The following CNTN4 variants were observed in gnomAD, a reference collection of about 807,000 sequenced individuals.
CNTN4 encodes contactin 4.
In CNTN4, 77 loss-of-function variants were observed where a neutral mutation model predicts 122.5. The ratio of observed to expected loss-of-function variants is 0.63; its 90% CI spans 0.52 to 0.76. The LOEUF is 0.76. Among genes scored for constraint, CNTN4 ranks in the 30% least tolerant of loss-of-function variants. The pLI, the probability that CNTN4 is intolerant of heterozygous loss-of-function variation, is 0.00. For missense variants in CNTN4, 1,256 were observed against 1,259.1 expected (o/e 1.00, Z 0.04); for synonymous variants, 512 against 447.0 (o/e 1.15, Z -1.83).
intron 2 of CNTN4, among the ~76,000 whole-genome samples, chr3:2,334,648 G>GA (rs2043871610): frequency 1.3e-5 from 2 of 152,160 alleles, no homozygotes; most frequent in Non-Finnish European, 2.9e-5. Flanking sequence ...ATAATGTACA[G>GA]AGTGACTAAG....
At chr3:2,697,118 G>A (rs2086081939) in intron 4 of CNTN4, among the ~76,000 whole-genome samples, 1 of 152,174 alleles carries the variant, frequency 6.6e-6, no homozygotes. Context: ...AGAATTCACA[G>A]TGTGTGTTGC....
chr3:2,171,554 C>A (rs560224662), intron 2 of CNTN4, among the ~76,000 whole-genome samples: 4 of 152,104 alleles, frequency 2.6e-5, no homozygotes, highest in African/African-American at 4.8e-5. Context: ...AAAAGTAGAG[C>A]TATTTCCAAT....
At chr3:2,982,274 A>G (rs965421876) in intron 13 of CNTN4, among the ~76,000 whole-genome samples, 1 of 152,170 alleles carries the variant, frequency 6.6e-6, no homozygotes, top group East Asian at 1.9e-4. Flanking sequence ...CATCTTCAGA[A>G]TCCATTCCTT....
Position 2,732,782 on chromosome 3 carries a change from G to GT in CNTN4, c.56-3425dup, listed in dbSNP as rs1247406361. ...AAGGTTTAAAAGCTAGGATATCTGGGTTTTTTTTAATACCTTGATAGCTAA... is the reference window on the plus strand; with the variant it reads ...AAGGTTTAAAAGCTAGGATATCTGGGTTTTTTTTTAATACCTTGATAGCTAA... On this transcript the variant is annotated intron_variant, in intron 4 of 24. Coordinates refer to ENST00000418658, the MANE Select transcript of CNTN4 (RefSeq NM_175607.3). Among the ~76,000 whole-genome samples the GT allele has an allele frequency of 1.8e-4, 28 of 151,970 alleles. No individual in the cohort carries two copies. The South Asian group carries it at 5.2e-3, about 28-fold the overall frequency.
At chr3:2,151,677 C>G (rs1443478554) in intron 2 of CNTN4, among the ~76,000 whole-genome samples, 1 of 152,158 alleles carries the variant, frequency 6.6e-6, no homozygotes, top group Non-Finnish European at 1.5e-5. Context: ...GATTCATCCA[C>G]TCATGGATTA....
chr3:2,133,873 C>A (rs1021278731), intron 2 of CNTN4, among the ~76,000 whole-genome samples: 1 of 151,994 alleles, frequency 6.6e-6, no homozygotes, highest in Non-Finnish European at 1.5e-5. Flanking sequence ...AGTCATTTTC[C>A]AGAATTAGAT....
chr3:2,478,698 C>A (rs1183674495), intron 3 of CNTN4, among the ~76,000 whole-genome samples: 1 of 152,088 alleles, frequency 6.6e-6, no homozygotes, highest in Non-Finnish European at 1.5e-5. Flanking sequence ...GTTTTCTGTT[C>A]CTGCGTTAGT....
chr3:2,479,289 C>G (rs934149304), intron 3 of CNTN4, among the ~76,000 whole-genome samples: 2 of 152,056 alleles, frequency 1.3e-5, no homozygotes, highest in Non-Finnish European at 2.9e-5. Context: ...TTTCACTTAA[C>G]TAAACAAATG....
chr3:2,163,852 T>C (rs1174945829), intron 2 of CNTN4, among the ~76,000 whole-genome samples: 1 of 152,072 alleles, frequency 6.6e-6, no homozygotes, highest in Non-Finnish European at 1.5e-5. Flanking sequence ...ATAATAGATA[T>C]TGGCCTGAAA....
intron 3 of CNTN4, among the ~76,000 whole-genome samples, chr3:2,414,079 G>T (rs117692409): frequency 6.6e-6 from 1 of 152,084 alleles, no homozygotes; most frequent in Admixed American, 6.6e-5. Flanking sequence ...TCCAGCATAC[G>T]AATGATATAG....
intron 7 of CNTN4, among the ~76,000 whole-genome samples, chr3:2,840,685 C>A (rs1181811229): frequency 6.7e-6 from 1 of 149,524 alleles, no homozygotes; most frequent in African/African-American, 2.5e-5. Flanking sequence ...GGCGACAGAG[C>A]GACACTCCGT....
At chr3:2,742,225 C>T (rs1176639274) in intron 5 of CNTN4, among the ~76,000 whole-genome samples, 1 of 152,092 alleles carries the variant, frequency 6.6e-6, no homozygotes, top group African/African-American at 2.4e-5. Flanking sequence ...ACTGACCTCT[C>T]TTCTTTGTGT....
In CNTN4 at chr3:2,127,807, A is replaced by C. The variant is rs1022062489; in HGVS notation, c.-145+27168A>C. Among the ~76,000 whole-genome samples, 4 of 152,218 alleles carry C rather than the reference A, an allele frequency of 2.6e-5. No homozygotes were observed. The South Asian group carries it at 8.3e-4, about 31-fold the overall frequency. On this transcript the variant is annotated intron_variant, in intron 2 of 24. Coordinates refer to ENST00000418658, the MANE Select transcript of CNTN4 (RefSeq NM_175607.3). Reference sequence around the variant, plus strand: ...TCTGCCAGTGTTTAAAAGGTGCTACAGGGAACCTTTAAGTCATGCACCAAA... The same window carrying C: ...TCTGCCAGTGTTTAAAAGGTGCTACCGGGAACCTTTAAGTCATGCACCAAA...
At chr3:2,194,176 GA>G (rs1338250093) in intron 2 of CNTN4, among the ~76,000 whole-genome samples, 2 of 152,114 alleles carry the variant, frequency 1.3e-5, no homozygotes, top group Non-Finnish European at 2.9e-5. Flanking sequence ...TATAGAAAGT[GA>G]ATGGGGCCAG....
intron 4 of CNTN4, among the ~76,000 whole-genome samples, chr3:2,655,108 A>G (rs770638752): frequency 2.6e-5 from 4 of 152,188 alleles, no homozygotes; most frequent in Non-Finnish European, 5.9e-5. Flanking sequence ...CCCACCCTAT[A>G]AGTGATATAA....
At chr3:2,714,477 A>C (rs2087356826) in intron 4 of CNTN4, among the ~76,000 whole-genome samples, 1 of 152,162 alleles carries the variant, frequency 6.6e-6, no homozygotes. Flanking sequence ...ATTGGATGCT[A>C]TGCCAAAAAA....
At chr3:2,217,399 A>G (rs990232721) in intron 2 of CNTN4, among the ~76,000 whole-genome samples, 11 of 152,192 alleles carry the variant, frequency 7.2e-5, no homozygotes, top group Non-Finnish European at 1.6e-4. Context: ...CATTGATGCC[A>G]TTAAAGAACA....
rs113958796 is a variant in CNTN4 at position 2,169,469 on chromosome 3, C to G, written c.-145+68830C>G. 9.8e-3 allele frequency among the ~76,000 whole-genome samples: 1,483 copies of G among 152,072 alleles called. 27 individuals are homozygous for G. Among genetic ancestry groups the G allele is most frequent in the African/African-American group, 0.033 (1,384 of 41,470 alleles). ...TCACTCAGGCTGGAGTGCGGTGGCG[C>G]GATCTCGGCTCACTGCAAGCTCCGC... is the stretch of plus-strand genomic sequence containing the variant. On this transcript the variant is annotated intron_variant, in intron 2 of 24. Transcript: ENST00000418658.
chr3:2,137,585 A>G (rs1246380057), intron 2 of CNTN4, among the ~76,000 whole-genome samples: 2 of 152,318 alleles, frequency 1.3e-5, no homozygotes, highest in East Asian at 1.9e-4. Flanking sequence ...GAGTTATTGT[A>G]TGTAACTTTA....
Sources: allele counts gnomAD v4.1 joint callset (sites outside exome capture counted in the v4.1 genomes callset), GRCh38; gene constraint gnomAD v4.1.1; transcripts MANE v1.5; gene names NCBI Gene and HGNC (gene_info 2026-07-23, HGNC 2026-07-21).